SFMBT1: variants seen among roughly 807,000 people sequenced by gnomAD.
SFMBT1 encodes the protein Scm like with four mbt domains 1, also known as scm-like with four MBT domains protein 1.
SFMBT1 carries 32 observed loss-of-function variants against 108.7 expected under a neutral mutation model. The observed-to-expected ratio is 0.29, with a 90% CI of 0.22 to 0.40. The LOEUF is 0.40. Among genes scored for constraint, SFMBT1 ranks in the 10% least tolerant of loss-of-function variants. The pLI, the probability that SFMBT1 is intolerant of heterozygous loss-of-function variation, is 1.00. For missense variants in SFMBT1, 816 were observed against 1,059.6 expected, an observed-to-expected ratio of 0.77 and a Z score of 3.19; for synonymous variants, 348 against 369.5, an observed-to-expected ratio of 0.94 and a Z score of 0.67.
chr3:52,941,109 G>A (rs909470859), intron 4 of SFMBT1, among the ~76,000 whole-genome samples: 1 of 152,142 alleles, frequency 6.6e-6, no homozygotes, highest in East Asian at 1.9e-4. Context: ...CTTGGACCAG[G>A]AAAAGAAATA....
At chr3:52,946,087 C>T (rs1703356729) in intron 3 of SFMBT1, among the ~76,000 whole-genome samples, 2 of 152,200 alleles carry the variant, frequency 1.3e-5, no homozygotes, top group South Asian at 2.1e-4. Context: ...ACCAAATCTG[C>T]ACAAATTCAA....
rs537552178 is a variant in SFMBT1, at chr3:52,998,467, G to C, written c.-130-29209C>G. On this transcript the variant is annotated intron_variant, in intron 1 of 20. Coordinates refer to ENST00000394752, the MANE Select transcript of SFMBT1 (RefSeq NM_016329.4). ...GACGCATTGGAGAAAGTAAAGGCTG[G>C]GTGCAGCTTCAAGCTGAGGACCACC... Among the ~76,000 whole-genome samples the C allele has an allele frequency of 7.4e-4, 112 of 150,430 alleles. 3 individuals are homozygous for C. Among genetic ancestry groups the C allele is most frequent in the African/African-American group, 2.5e-3 (103 of 41,414 alleles).
At chr3:52,988,885 C>T (rs1394774754) in intron 1 of SFMBT1, among the ~76,000 whole-genome samples, 1 of 152,200 alleles carries the variant, frequency 6.6e-6, no homozygotes, top group East Asian at 1.9e-4. Flanking sequence ...CAAAGCGCAG[C>T]AGGACACTTG....
At chr3:52,955,089 G>A (rs1023861608) in intron 2 of SFMBT1, among the ~76,000 whole-genome samples, 4 of 151,976 alleles carry the variant, frequency 2.6e-5, no homozygotes, top group Admixed American at 1.3e-4. Flanking sequence ...ATAGAGACAC[G>A]AAAAACCCTT....
intron 1 of SFMBT1, among the ~76,000 whole-genome samples, chr3:52,998,940 G>A (rs1375360085): frequency 6.6e-6 from 1 of 150,730 alleles, no homozygotes; most frequent in Non-Finnish European, 1.5e-5. Flanking sequence ...GCCGGCCACC[G>A]ACCACCATGG....
At chr3:52,999,903 G>T (rs1343653852) in intron 1 of SFMBT1, among the ~76,000 whole-genome samples, 1 of 150,038 alleles carries the variant, frequency 6.7e-6, no homozygotes, top group Admixed American at 6.7e-5. Context: ...CTGTCGCCCA[G>T]GCTGGAATGC....
At chr3:52,938,854 A>C (rs1703101297) in intron 4 of SFMBT1, among the ~76,000 whole-genome samples, 1 of 152,210 alleles carries the variant, frequency 6.6e-6, no homozygotes, top group South Asian at 2.1e-4. Context: ...ATGTTACCTC[A>C]TTAATTTGCT....
intron 1 of SFMBT1, among the ~76,000 whole-genome samples, chr3:53,021,040 AAG>A (rs1240378115): frequency 3.3e-5 from 5 of 152,330 alleles, no homozygotes; most frequent in African/African-American, 1.2e-4. Flanking sequence ...CCTGGGCAAC[AAG>A]AGTGAGACTC....
chr3:52,977,504 C>CA (rs1226935374), intron 1 of SFMBT1, among the ~76,000 whole-genome samples: 72 of 147,150 alleles, frequency 4.9e-4, no homozygotes, highest in Non-Finnish European at 8.4e-4. Context: ...GACTTCGTAT[C>CA]AAAAAAAAAG....
chr3:52,954,017 C>T (rs184854552), intron 3 of SFMBT1, among the ~76,000 whole-genome samples: 3,909 of 151,852 alleles, frequency 0.026, 181 homozygotes, highest in African/African-American at 0.09. Flanking sequence ...CCCAGCTACT[C>T]GGGAGGCTGA....
intron 1 of SFMBT1, among the ~76,000 whole-genome samples, chr3:52,981,789 T>C (rs1345871091): frequency 2.0e-5 from 3 of 152,104 alleles, no homozygotes; most frequent in Non-Finnish European, 4.4e-5. Context: ...GAGGAAAGGA[T>C]AGGCTAACTT....
chr3:52,969,363 C>T (rs1704263910), intron 1 of SFMBT1, 105 bp from the exon 2 acceptor site: 1 of 1,173,926 alleles, frequency 8.5e-7, no homozygotes, highest in East Asian at 2.9e-5. Flanking sequence ...AAGACAAAAA[C>T]ATACTGGCAG....
chr3:52,945,142 A>AAAAAAAAAACAAAAAAAAAAAAAAAC (rs1703320938), intron 3 of SFMBT1, among the ~76,000 whole-genome samples: 3 of 147,030 alleles, frequency 2.0e-5, no homozygotes, highest in Admixed American at 6.9e-5. Context: ...CAATTAAAAA[A>AAAAAAAAAACAAAAAAAAAAAAAAAC]AAAAAAAAAC....
chr3:52,995,453 G>A (rs1260661754), intron 1 of SFMBT1, among the ~76,000 whole-genome samples: 3 of 150,262 alleles, frequency 2.0e-5, no homozygotes, highest in African/African-American at 7.3e-5. Context: ...CAATGGGCAC[G>A]ATCACTGCTC....
At chr3:53,013,615 CTTTTTTTTTTTTTT>C (rs397989629) in intron 1 of SFMBT1, among the ~76,000 whole-genome samples, 31 of 58,100 alleles carry the variant, frequency 5.3e-4, no homozygotes, top group South Asian at 1.9e-3. Flanking sequence ...TATAAAGAAT[CTTTTTTTTTTTTTT>C]TTTTTTTTTT....
intron 1 of SFMBT1, among the ~76,000 whole-genome samples, chr3:53,007,508 C>T (rs573789536): frequency 1.3e-5 from 2 of 152,174 alleles, no homozygotes; most frequent in Non-Finnish European, 2.9e-5. Context: ...GCCTAGAACA[C>T]TTGTGCCAGA....
intron 1 of SFMBT1, among the ~76,000 whole-genome samples, chr3:53,013,515 C>G (rs769378551): frequency 5.4e-5 from 8 of 149,146 alleles, no homozygotes; most frequent in African/African-American, 7.5e-5. Context: ...TATATTTGCT[C>G]TTGCCAAAAT....
At chr3:53,015,583 G>A (rs2106934890) in intron 1 of SFMBT1, among the ~76,000 whole-genome samples, 1 of 152,276 alleles carries the variant, frequency 6.6e-6, no homozygotes, top group South Asian at 2.1e-4. Context: ...TAGCCATATA[G>A]TAGACTATTA....
chr3:53,014,326 G>C (rs9852646), intron 1 of SFMBT1, among the ~76,000 whole-genome samples: 14,445 of 152,106 alleles, frequency 0.095, 1,910 homozygotes, highest in African/African-American at 0.29. Flanking sequence ...GTTTTTAGGT[G>C]AGGCGCAGCG....
Sources: allele counts gnomAD v4.1 joint callset (sites outside exome capture counted in the v4.1 genomes callset), GRCh38; gene constraint gnomAD v4.1.1; transcripts MANE v1.5; gene names NCBI Gene and HGNC (gene_info 2026-07-23, HGNC 2026-07-21).